Variants in MNAT1 observed in about 807,000 individuals in gnomAD.
MNAT1 encodes MNAT1 component of CDK activating kinase.
In MNAT1, 43 loss-of-function variants were observed where a neutral mutation model predicts 42.0. That is an observed-to-expected ratio of 1.02 (90% CI 0.80 to 1.32). The LOEUF (loss-of-function observed/expected upper bound fraction) is 1.32. Ranked by LOEUF, MNAT1 falls within the 40% of genes most tolerant of loss-of-function variation. MNAT1 has a pLI of 0.00. For synonymous variants in MNAT1, 118 were observed against 120.0 expected (o/e 0.98, Z 0.11); for missense variants, 306 against 350.4 (o/e 0.87, Z 1.01).
chr14:60,794,660 A>ATATATATATAT (rs869223909), intron 1 of MNAT1, among the ~76,000 whole-genome samples: 3 of 28,632 alleles, frequency 1.0e-4, no homozygotes, highest in African/African-American at 1.4e-4. Context: ...AAAAAAAAAA[A>ATATATATATAT]ATATATATAT....
chr14:60,899,702 TA>T (rs566762571), intron 7 of MNAT1, among the ~76,000 whole-genome samples: 1 of 152,176 alleles, frequency 6.6e-6, no homozygotes, highest in Non-Finnish European at 1.5e-5. Context: ...GCAAAGCAAT[TA>T]AAAAATCTAT....
chr14:60,835,562 A>G (rs2139391559), intron 6 of MNAT1, among the ~76,000 whole-genome samples: 1 of 152,240 alleles, frequency 6.6e-6, no homozygotes, highest in Admixed American at 6.5e-5. Context: ...AATGTTGCAT[A>G]TTGGCCCCCA....
rs556719558 is a variant in MNAT1 at position 60,782,952 on chromosome 14, C to T, written c.90-13265C>T. ...GTTCTTTCCTAACTATATAATACAT[C>T]CCTGAAGGCAGGGATAAAATCTTAT... On this transcript the variant is annotated intron_variant, in intron 1 of 7. Transcript: ENST00000261245. 1.6e-4 allele frequency among the ~76,000 whole-genome samples: 25 copies of T among 152,274 alleles called. No individual in the cohort carries two copies. In the South Asian group the frequency reaches 2.3e-3, roughly 14 times the overall value.
chr14:60,869,039 TA>T (rs200803653), intron 6 of MNAT1, among the ~76,000 whole-genome samples: 270 of 85,002 alleles, frequency 3.2e-3, no homozygotes, highest in African/African-American at 8.1e-3. Flanking sequence ...TATATATATA[TA>T]TTTTTTTTTT....
At chr14:60,809,882 T>A (rs966443777) in intron 4 of MNAT1, among the ~76,000 whole-genome samples, 4 of 152,224 alleles carry the variant, frequency 2.6e-5, no homozygotes, top group South Asian at 2.1e-4. Flanking sequence ...ATAAAATGAG[T>A]TTGGAAGTGT....
chr14:60,780,080 CG>C, intron 1 of MNAT1: 6 of 1,459,300 alleles, frequency 4.1e-6, no homozygotes, highest in Non-Finnish European at 5.8e-6. Flanking sequence ...TTTATATCAG[CG>C]TGGCATTTAT....
intron 7 of MNAT1, among the ~76,000 whole-genome samples, chr14:60,923,929 T>TAAAAC (rs975881559): frequency 1.1e-4 from 16 of 152,260 alleles, no homozygotes; most frequent in African/African-American, 3.6e-4. Context: ...GAGACTGTCT[T>TAAAAC]AAAACAAAAC....
At chr14:60,923,064 A>G (rs528065790) in intron 7 of MNAT1, among the ~76,000 whole-genome samples, 20 of 152,190 alleles carry the variant, frequency 1.3e-4, no homozygotes, top group Non-Finnish European at 2.6e-4. Context: ...TTTCTTTCCC[A>G]TATTTGTGAA....
chr14:60,931,009 A>G (rs550653517), intron 7 of MNAT1, among the ~76,000 whole-genome samples: 24 of 152,196 alleles, frequency 1.6e-4, no homozygotes, highest in Non-Finnish European at 2.9e-4. Flanking sequence ...TAGAAAAAAT[A>G]CTTCTGAAGG....
At chr14:60,827,912 G>A (rs1361209748) in intron 6 of MNAT1, among the ~76,000 whole-genome samples, 1 of 152,016 alleles carries the variant, frequency 6.6e-6, no homozygotes, top group Non-Finnish European at 1.5e-5. Context: ...TTTTCACATG[G>A]ATATCCCTGA....
At chr14:60,868,170 G>A (rs1374119990) in intron 6 of MNAT1, among the ~76,000 whole-genome samples, 1 of 152,128 alleles carries the variant, frequency 6.6e-6, no homozygotes, top group Non-Finnish European at 1.5e-5. Context: ...GCAAAAATAT[G>A]TGTAGGCACA....
chr14:60,787,907 A>G lies in MNAT1; in HGVS notation c.90-8310A>G, dbSNP rs145487511. On this transcript the variant is annotated intron_variant, in intron 1 of 7. Transcript: ENST00000261245. ...CCACTGAAGTCAGACCCTGAAAGTC[A>G]TCTGTGAGGATTGGAATCAACTTCT... Among the ~76,000 whole-genome samples, 182 of 152,306 alleles carry G rather than the reference A, an allele frequency of 1.2e-3. 1 individual carries two copies. The highest frequency in any genetic ancestry group is 4.2e-3 in the African/African-American group (174 of 41,576).
intron 7 of MNAT1, among the ~76,000 whole-genome samples, chr14:60,966,247 A>G (rs533437659): frequency 1.1e-3 from 162 of 151,240 alleles, no homozygotes; most frequent in Admixed American, 3.4e-3. Flanking sequence ...TTGCCTCCCA[A>G]GTAGCTGGAT....
chr14:60,735,071 G>GA, intron 1 of MNAT1, 120 bp downstream of exon 1: 1 of 918,726 alleles, frequency 1.1e-6, no homozygotes, highest in Non-Finnish European at 1.7e-6. Flanking sequence ...CACTGGGGAG[G>GA]AAAATGGGAA....
At chr14:60,831,742 G>C (rs2033224998) in intron 6 of MNAT1, among the ~76,000 whole-genome samples, 1 of 152,158 alleles carries the variant, frequency 6.6e-6, no homozygotes, top group Non-Finnish European at 1.5e-5. Flanking sequence ...AGATCCTTGA[G>C]GAATTGCCAC....
At chr14:60,898,144 C>T (rs978612422) in intron 7 of MNAT1, among the ~76,000 whole-genome samples, 16 of 113,344 alleles carry the variant, frequency 1.4e-4, no homozygotes, top group African/African-American at 5.4e-4. Flanking sequence ...TGTGTGTGCG[C>T]GCGCCACATT....
rs1207523887 is a variant in MNAT1 at position 60,968,373 on chromosome 14, G to C, written c.*24G>C. On this transcript the variant is annotated 3_prime_UTR_variant, in exon 8 of 8. Transcript: ENST00000261245. ...AACCATTTATAAGATTTGGACCTTG[G>C]AGCTGAACCAGGGAGCTAGCAAAAG... The C allele has an allele frequency of 6.2e-7, 1 of 1,602,712 alleles. No individual in the cohort carries two copies. The highest frequency in any genetic ancestry group is 1.8e-5 in the Admixed American group (1 of 56,386).
At chr14:60,747,369 T>C (rs1278622787) in intron 1 of MNAT1, among the ~76,000 whole-genome samples, 1 of 152,176 alleles carries the variant, frequency 6.6e-6, no homozygotes, top group African/African-American at 2.4e-5. Context: ...AGTGTGCTTA[T>C]GGTGTAGTAC....
intron 7 of MNAT1, among the ~76,000 whole-genome samples, chr14:60,912,532 C>G (rs1187485195): frequency 2.0e-5 from 3 of 152,124 alleles, no homozygotes; most frequent in Non-Finnish European, 4.4e-5. Flanking sequence ...GACAAAATCT[C>G]TCAGCATTTG....
Sources: allele counts gnomAD v4.1 joint callset (sites outside exome capture counted in the v4.1 genomes callset), GRCh38; gene constraint gnomAD v4.1.1; transcripts MANE v1.5; gene names NCBI Gene and HGNC (gene_info 2026-07-23, HGNC 2026-07-21).